The following URGCP variants were observed in gnomAD, a reference collection of about 807,000 sequenced individuals.
The protein encoded by URGCP is upregulator of cell proliferation, also known as up-regulator of cell proliferation.
URGCP carries 13 observed loss-of-function variants against 24.6 expected under a neutral mutation model. That is an observed-to-expected ratio of 0.53 (90% CI 0.34 to 0.84). The LOEUF (loss-of-function observed/expected upper bound fraction) is 0.84, where lower values mean the gene tolerates loss of function less well. Ranked by LOEUF, URGCP falls within the 40% of genes least tolerant of loss-of-function variation. The pLI, the probability that URGCP is intolerant of heterozygous loss-of-function variation, is 0.01. For synonymous variants in URGCP, 444 were observed against 487.2 expected (o/e 0.91, Z 1.17); for missense variants, 899 against 1,194.3 (o/e 0.75, Z 3.64).
In URGCP at chr7:43,878,257, A is replaced by G; in HGVS notation, c.1206T>C (p.Asn402=). The change falls in exon 6 of 6, where the codon AAT becomes AAC. Residue 402 remains asparagine, a synonymous_variant. Coordinates refer to ENST00000453200, the MANE Select transcript of URGCP (RefSeq NM_001077663.3). This position sits in a 1 kb window ranked among gnomAD's most constrained non-coding sequence, Gnocchi z 5.6. ...CTATTTTCAGCACAGGAATTAACTT[A>G]TTCAGAAATCTCAGGTTTGTGTTGC... is the stretch of plus-strand genomic sequence containing the variant. ...GKRNTNLRFL[N]KLIPVLKIDH... is the part of the protein sequence containing the mutation. 1 of 1,614,236 alleles carries G rather than the reference A, an allele frequency of 6.2e-7. No individual in the cohort carries two copies. The highest frequency in any genetic ancestry group is 2.2e-5 in the East Asian group (1 of 44,892).
chr7:43,894,229 C>A (rs984566849), intron 1 of URGCP, among the ~76,000 whole-genome samples: 4 of 152,128 alleles, frequency 2.6e-5, no homozygotes, highest in African/African-American at 9.7e-5. Context: ...CCAAATAGAC[C>A]CAGACATTTA....
exon 1 of URGCP, chr7:43,926,299 A>G (rs1314216967): frequency 9.1e-6 from 2 of 220,520 alleles, no homozygotes; most frequent in African/African-American, 2.3e-5. Context: ...CTTGCTGACT[A>G]GTGGTCGAAG....
chr7:43,894,695 T>C (rs2095875832), intron 1 of URGCP, among the ~76,000 whole-genome samples: 1 of 152,092 alleles, frequency 6.6e-6, no homozygotes, highest in Non-Finnish European at 1.5e-5. Flanking sequence ...ATATCAAGTG[T>C]CTTCTTAGAT....
At chr7:43,891,560 C>T (rs995443839) in intron 1 of URGCP, among the ~76,000 whole-genome samples, 1 of 152,152 alleles carries the variant, frequency 6.6e-6, no homozygotes, top group Non-Finnish European at 1.5e-5. Context: ...CAAATTAGCT[C>T]ACTGCAACCT....
chr7:43,877,927 G>T lies in URGCP; in HGVS notation c.1536C>A (p.Cys512Ter). The T allele has an allele frequency of 6.2e-7, 1 of 1,614,080 alleles. No individual in the cohort carries two copies. The highest frequency in any genetic ancestry group is 2.2e-5 in the East Asian group (1 of 44,874). Reference sequence around the variant, plus strand: ...GGGGGTCCACGGCCCACTGGAGCTGGCAGAACTCCTTCTCCACTTGGGCTG... The same window carrying T: ...GGGGGTCCACGGCCCACTGGAGCTGTCAGAACTCCTTCTCCACTTGGGCTG... ...RKAAQVEKEFCQLQWAVDPPE... is the reference protein window; with the variant it reads ...RKAAQVEKEF Residue 512 changes from cysteine (C) to a stop codon, truncating the protein, a stop_gained, in exon 6 of 6, where the codon TGC becomes TGA. Transcript: ENST00000453200. LOFTEE classifies it low-confidence loss of function (END_TRUNC).
chr7:43,913,278 G>A (rs762467316), intron 1 of URGCP, among the ~76,000 whole-genome samples: 5 of 151,388 alleles, frequency 3.3e-5, no homozygotes, highest in African/African-American at 1.2e-4. Flanking sequence ...GCGCGAACTC[G>A]GCTCACTGCA....
At chr7:43,908,738 T>C (rs2095906891), upstream of URGCP, among the ~76,000 whole-genome samples, 1 of 152,224 alleles carries the variant, frequency 6.6e-6, no homozygotes, top group Non-Finnish European at 1.5e-5. Context: ...TCTCCCCTCC[T>C]GTAAGTTGTT....
intron 1 of URGCP, among the ~76,000 whole-genome samples, chr7:43,923,932 C>T (rs968567966): frequency 1.3e-5 from 2 of 151,978 alleles, no homozygotes; most frequent in African/African-American, 4.8e-5. Flanking sequence ...GGCAGTGGTG[C>T]AATCTCAGCT....
intron 3 of URGCP, among the ~76,000 whole-genome samples, chr7:43,883,353 T>TAC (rs2095857300): frequency 2.0e-5 from 2 of 100,854 alleles, no homozygotes; most frequent in African/African-American, 5.7e-5. Flanking sequence ...TATATATATA[T>TAC]ATATATATAT....
At chr7:43,903,832 A>G (rs192324011) in intron 1 of URGCP, among the ~76,000 whole-genome samples, 1 of 152,356 alleles carries the variant, frequency 6.6e-6, no homozygotes, top group African/African-American at 2.4e-5. Flanking sequence ...CCACTAAAAC[A>G]GATGTGACCA....
chr7:43,918,933 TC>T, intron 1 of URGCP: 1 of 1,386,454 alleles, frequency 7.2e-7, no homozygotes, highest in Non-Finnish European at 1.0e-6. Context: ...CATCCTCAAC[TC>T]CCCCTGTGCC....
intron 1 of URGCP, 32 bp from the exon 2 acceptor site, chr7:43,887,848 A>C: frequency 7.1e-7 from 1 of 1,400,018 alleles, no homozygotes; most frequent in East Asian, 2.5e-5. Context: ...AGTTACAAAG[A>C]TGTTGATGCC....
chr7:43,885,405 T>C lies in URGCP; in HGVS notation c.112+2010A>G, dbSNP rs138882897. ...CATGAGCCACTGCACCTGGCCTGTA[T>C]AGTATACTTTAATACAACTTGTTTT... On this transcript the variant is annotated intron_variant, in intron 3 of 5. Transcript: ENST00000453200. 9.0e-3 allele frequency among the ~76,000 whole-genome samples: 1,377 copies of C among 152,282 alleles called. 9 individuals carry two copies. The highest frequency in any genetic ancestry group is 0.014 in the Non-Finnish European group (982 of 68,018).
At chr7:43,891,533 C>T (rs1244292068) in intron 1 of URGCP, among the ~76,000 whole-genome samples, 2 of 152,112 alleles carry the variant, frequency 1.3e-5, no homozygotes, top group Non-Finnish European at 2.9e-5. Context: ...ATCAGACCCT[C>T]GGCTGATAGA....
At chr7:43,916,321 C>G (rs1427041140) in intron 1 of URGCP, among the ~76,000 whole-genome samples, 4 of 152,106 alleles carry the variant, frequency 2.6e-5, no homozygotes, top group Admixed American at 2.6e-4. Context: ...TTTTACTCAG[C>G]CAGGATCCCA....
chr7:43,915,513 C>T (rs2095914543), intron 1 of URGCP, among the ~76,000 whole-genome samples: 1 of 152,178 alleles, frequency 6.6e-6, no homozygotes, highest in African/African-American at 2.4e-5. Flanking sequence ...GTATTCCACC[C>T]CCACCTCAAT....
At chr7:43,897,566 T>TG (rs5883876) in intron 1 of URGCP, among the ~76,000 whole-genome samples, 17,727 of 151,858 alleles carry the variant, frequency 0.12, 1,173 homozygotes, top group Admixed American at 0.18. Context: ...ACTAAGGCTT[T>TG]GGGGAGGAAG....
At chr7:43,888,989 C>T (rs1349199339) in intron 1 of URGCP, 1 of 152,188 alleles carries the variant, frequency 6.6e-6, no homozygotes, top group Non-Finnish European at 1.5e-5. Context: ...ACATGATGGG[C>T]ACAGGAGCCA....
Position 43,887,385 on chromosome 7 carries a change from T to C in URGCP, c.112+30A>G, listed in dbSNP as rs1249703845. The C allele has an allele frequency of 1.9e-6, 3 of 1,612,094 alleles. No homozygotes were observed. The South Asian group carries it at 3.3e-5, about 18-fold the overall frequency. The stretch of plus-strand genomic sequence containing the variant: ...CAGGAGAAGTACTTCAGCTCCAGAG[T>C]GGGCCCACATCCAATTCATCCAACT... On this transcript the variant is annotated intron_variant, in intron 3 of 5. Transcript: ENST00000453200.
Sources: gnomAD v4.1 joint callset for allele counts (sites outside exome capture counted in the v4.1 genomes callset) on GRCh38, gnomAD v4.1.1 for gene constraint, Gnocchi (gnomAD v3.1) non-coding constraint, MANE v1.5 for transcripts, NCBI Gene and HGNC (gene_info 2026-07-23, HGNC 2026-07-21) for gene names.